Variants in NRF1 observed in about 807,000 individuals in gnomAD.
The protein encoded by NRF1 is alpha palindromic-binding protein.
In NRF1, 5 loss-of-function variants were observed where a neutral mutation model predicts 58.5. The ratio of observed to expected loss-of-function variants is 0.09; its 90% confidence interval spans 0.04 to 0.18. The LOEUF (loss-of-function observed/expected upper bound fraction) is 0.18. Among genes scored for constraint, NRF1 ranks in the 10% least tolerant of loss-of-function variants. The pLI, the probability that NRF1 is intolerant of heterozygous loss-of-function variation, is 1.00. For synonymous variants in NRF1, 224 were observed against 246.7 expected, an observed-to-expected ratio of 0.91 and a Z score of 0.86; for missense variants, 288 against 657.7, an observed-to-expected ratio of 0.44 and a Z score of 6.15.
intron 2 of NRF1, among the ~76,000 whole-genome samples, chr7:129,658,235 A>G (rs1197300460): frequency 2.0e-5 from 3 of 151,942 alleles, no homozygotes; most frequent in Admixed American, 2.0e-4. Context: ...TTAGTTTGAA[A>G]GTTATAAGCT....
chr7:129,636,533 C>T (rs899881012), intron 1 of NRF1, among the ~76,000 whole-genome samples: 1 of 152,206 alleles, frequency 6.6e-6, no homozygotes, highest in Admixed American at 6.5e-5. Flanking sequence ...CAGGCGTCAG[C>T]CACTGCACCT....
Position 129,657,438 on chromosome 7 carries a change from G to A in NRF1, c.87G>A (p.Val29=), listed in dbSNP as rs539448330. The change falls in exon 2 of 11, where the codon GTG becomes GTA. Residue 29 remains valine, a synonymous_variant. Coordinates refer to ENST00000393232, the MANE Select transcript of NRF1 (RefSeq NM_005011.5). ...AVAQQVQQVH[V]ATYTEHSMLS... Reference sequence around the variant, plus strand: ...CCCAGCAAGTGCAGCAGGTCCATGTGGCTACTTACACCGAGCATAGTATGC... The same window carrying A: ...CCCAGCAAGTGCAGCAGGTCCATGTAGCTACTTACACCGAGCATAGTATGC... The A allele has an allele frequency of 6.2e-7, 1 of 1,614,034 alleles. No homozygotes were observed. The highest frequency in any genetic ancestry group is 1.3e-5 in the African/African-American group (1 of 74,978).
chr7:129,736,612 T>G lies in NRF1; in HGVS notation c.1348+9247T>G, dbSNP rs577634868. The stretch of plus-strand genomic sequence containing the variant: ...AAATTCTATACAAAGGTATTTGTAT[T>G]TTTTTTTGGTATCTATAGCTTTTTT... On this transcript the variant is annotated intron_variant, in intron 10 of 10. Transcript: ENST00000393232. Among the ~76,000 whole-genome samples, 4 of 140,708 alleles carry G rather than the reference T, an allele frequency of 2.8e-5. No homozygotes were observed. The East Asian group carries it at 8.7e-4, about 31-fold the overall frequency. 92.3% of individuals were successfully genotyped at this position (140,708 alleles called of 152,430 possible).
At chr7:129,626,328 G>A (rs1195606348) in intron 1 of NRF1, among the ~76,000 whole-genome samples, 1 of 152,170 alleles carries the variant, frequency 6.6e-6, no homozygotes, top group African/African-American at 2.4e-5. Context: ...GGTCCGATAA[G>A]TACAGGCTGC....
intron 5 of NRF1, among the ~76,000 whole-genome samples, chr7:129,701,298 T>C (rs1211811780): frequency 6.6e-6 from 1 of 151,950 alleles, no homozygotes; most frequent in Non-Finnish European, 1.5e-5. Context: ...TGAGCCAAAA[T>C]AAGAAAACTT....
intron 5 of NRF1, among the ~76,000 whole-genome samples, chr7:129,692,011 G>A (rs150966396): frequency 8.4e-4 from 128 of 152,168 alleles, no homozygotes; most frequent in East Asian, 3.1e-3. Context: ...TCAGTTAATC[G>A]AACTACTGTC....
At chr7:129,735,043 C>T (rs1803673360) in intron 10 of NRF1, 2 of 985,358 alleles carry the variant, frequency 2.0e-6, no homozygotes, top group Non-Finnish European at 2.4e-6. Flanking sequence ...GTTTCCCCAG[C>T]TCCTCACCGG....
At chr7:129,714,100 T>C (rs940009533) in intron 8 of NRF1, among the ~76,000 whole-genome samples, 3 of 152,212 alleles carry the variant, frequency 2.0e-5, no homozygotes, top group African/African-American at 7.2e-5. Flanking sequence ...GACTCAGGAA[T>C]AGGAAATTCC....
intron 1 of NRF1, among the ~76,000 whole-genome samples, chr7:129,624,885 T>G: frequency 6.6e-6 from 1 of 152,142 alleles, no homozygotes; most frequent in East Asian, 1.9e-4. Context: ...CTATTTTAGT[T>G]TACATATCCC....
chr7:129,738,154 G>C (rs1803763012), intron 10 of NRF1, among the ~76,000 whole-genome samples: 1 of 152,258 alleles, frequency 6.6e-6, no homozygotes, highest in African/African-American at 2.4e-5. Flanking sequence ...AAAAGCAAAT[G>C]AAGATTCATG....
chr7:129,651,747 C>T (rs1241015136), intron 1 of NRF1, among the ~76,000 whole-genome samples: 2 of 152,098 alleles, frequency 1.3e-5, no homozygotes, highest in Admixed American at 1.3e-4. Context: ...GTATCTTTCT[C>T]TCATATATTA....
intron 1 of NRF1, among the ~76,000 whole-genome samples, chr7:129,623,700 A>G (rs1313636967): frequency 2.0e-5 from 3 of 152,144 alleles, no homozygotes; most frequent in South Asian, 2.1e-4. Flanking sequence ...TCTAGGGTAA[A>G]TCATTTCTTA....
chr7:129,750,066 G>T (rs1051080193), intron 10 of NRF1, among the ~76,000 whole-genome samples: 1 of 152,066 alleles, frequency 6.6e-6, no homozygotes, highest in African/African-American at 2.4e-5. Context: ...ACATGCAGCG[G>T]GGGTGAGAGG....
intron 3 of NRF1, 43 bp downstream of exon 3, chr7:129,671,586 T>G: frequency 9.5e-7 from 1 of 1,054,238 alleles, no homozygotes; most frequent in African/African-American, 1.5e-5. Context: ...CCTCAAATAC[T>G]TCCTGTGGAT....
At chr7:129,660,496 T>G (rs1341400512) in intron 2 of NRF1, among the ~76,000 whole-genome samples, 2 of 150,676 alleles carry the variant, frequency 1.3e-5, no homozygotes, top group African/African-American at 2.5e-5. Context: ...GGTACAGGGA[T>G]TGGGTAAATA....
At chr7:129,613,606 A>G (rs938517904) in intron 1 of NRF1, among the ~76,000 whole-genome samples, 6 of 152,084 alleles carry the variant, frequency 3.9e-5, no homozygotes, top group African/African-American at 1.4e-4. Context: ...AGATTAAGAA[A>G]ACTCTTTACG....
chr7:129,665,355 G>A (rs1424875753), intron 2 of NRF1, among the ~76,000 whole-genome samples: 1 of 152,180 alleles, frequency 6.6e-6, no homozygotes, highest in Non-Finnish European at 1.5e-5. Context: ...TAACCAGCGT[G>A]GGGATTTTTC....
intron 1 of NRF1, among the ~76,000 whole-genome samples, chr7:129,612,177 G>A (rs1237588858): frequency 6.6e-6 from 1 of 150,990 alleles, no homozygotes; most frequent in Non-Finnish European, 1.5e-5. Flanking sequence ...CCTTCCCGCA[G>A]CTCGGGAGCG....
At chr7:129,649,987 A>G (rs1801500016) in intron 1 of NRF1, among the ~76,000 whole-genome samples, 1 of 152,076 alleles carries the variant, frequency 6.6e-6, no homozygotes, top group Non-Finnish European at 1.5e-5. Flanking sequence ...TCCTGGACAT[A>G]AGCAATCCTC....
Sources: allele counts gnomAD v4.1 joint callset (sites outside exome capture counted in the v4.1 genomes callset), GRCh38; gene constraint gnomAD v4.1.1; transcripts MANE v1.5; gene names NCBI Gene and HGNC (gene_info 2026-07-23, HGNC 2026-07-21).